ATAD2B: variants seen among roughly 807,000 people sequenced by gnomAD.
ATAD2B encodes ATPase family AAA domain containing 2B, also known as ATPase family AAA domain-containing protein 2B.
ATAD2B carries 40 observed loss-of-function variants against 167.6 expected under a neutral mutation model. The observed-to-expected ratio is 0.24, with a 90% CI of 0.19 to 0.31. ATAD2B has a LOEUF of 0.31. Ranked by LOEUF, ATAD2B falls within the 10% of genes least tolerant of loss-of-function variation. ATAD2B has a pLI of 1.00. For missense variants in ATAD2B, 1,242 were observed against 1,757.2 expected, an observed-to-expected ratio of 0.71 and a Z score of 5.24; for synonymous variants, 579 against 596.5, an observed-to-expected ratio of 0.97 and a Z score of 0.43.
intron 17 of ATAD2B, among the ~76,000 whole-genome samples, chr2:23,816,683 C>CT (rs992906986): frequency 1.3e-5 from 2 of 152,062 alleles, no homozygotes; most frequent in African/African-American, 4.8e-5. Flanking sequence ...TTATGCTCTT[C>CT]TTTATTACTT....
At chr2:23,799,578 A>G (rs1461667561) in intron 18 of ATAD2B, among the ~76,000 whole-genome samples, 3 of 150,070 alleles carry the variant, frequency 2.0e-5, no homozygotes, top group African/African-American at 7.4e-5. Flanking sequence ...CTCAAAAAAA[A>G]AAAAAAAAAA....
intron 17 of ATAD2B, among the ~76,000 whole-genome samples, chr2:23,812,205 A>C (rs1685704628): frequency 6.6e-6 from 1 of 152,020 alleles, no homozygotes; most frequent in Admixed American, 6.6e-5. Context: ...AACTGTCAGA[A>C]TCTACCAGCA....
chr2:23,703,516 C>G, the ATAD2B span: 5 of 1,068,266 alleles, frequency 4.7e-6, no homozygotes, highest in Admixed American at 5.9e-5. Flanking sequence ...GCAGGAGTTG[C>G]CGAGCCCCCA....
chr2:23,780,065 C>T (rs2551335), intron 22 of ATAD2B, among the ~76,000 whole-genome samples: 9,875 of 151,854 alleles, frequency 0.065, 411 homozygotes, highest in African/African-American at 0.12. Context: ...GGCAACATGG[C>T]GAGACCTCTT....
intron 13 of ATAD2B, among the ~76,000 whole-genome samples, chr2:23,851,380 A>T (rs1215409276): frequency 2.0e-5 from 3 of 152,136 alleles, no homozygotes; most frequent in Non-Finnish European, 4.4e-5. Flanking sequence ...AGCTCAAGAG[A>T]TCCACTGTCC....
intron 13 of ATAD2B, among the ~76,000 whole-genome samples, chr2:23,847,144 G>A (rs948813479): frequency 1.5e-5 from 2 of 132,660 alleles, no homozygotes; most frequent in African/African-American, 2.9e-5. Context: ...GGTGAGGCGG[G>A]CATATCACTT....
chr2:23,805,659 T>G (rs911613516), intron 18 of ATAD2B, among the ~76,000 whole-genome samples: 1 of 152,198 alleles, frequency 6.6e-6, no homozygotes, highest in Non-Finnish European at 1.5e-5. Context: ...AATGTTATTT[T>G]CTTTTCTCAC....
intron 1 of ATAD2B, among the ~76,000 whole-genome samples, chr2:23,909,443 T>C (rs936086884): frequency 4.0e-5 from 6 of 151,036 alleles, no homozygotes; most frequent in African/African-American, 7.3e-5. Context: ...TACATACATA[T>C]ATATATATAC....
chr2:23,742,552 T>G, the ATAD2B span, among the ~76,000 whole-genome samples: 1 of 91,070 alleles, frequency 1.1e-5, no homozygotes, highest in South Asian at 4.7e-4. Context: ...CAGGGACAGT[T>G]GTGGGGTGGG....
chr2:23,717,330 C>T, the ATAD2B span, among the ~76,000 whole-genome samples: 6 of 152,024 alleles, frequency 3.9e-5, no homozygotes, highest in South Asian at 4.2e-4. Context: ...CCCCAGCTCT[C>T]GGGGTAGTGC....
At position 23,819,773 on chromosome 2, in the gene ATAD2B, T is replaced by C. The variant is rs767552754; in HGVS notation, c.2241A>G (p.Ile747Met). 6.2e-6 allele frequency: 10 copies of C among 1,610,210 alleles called. No homozygotes were observed. Among genetic ancestry groups the C allele is most frequent in the South Asian group, 1.1e-5 (1 of 90,564 alleles). ...SPKKQSSSAA[I>M]HKPYLHFTMS... ...TTGTAAAATGAAGGTAGGGTTTATG[T>C]ATAGCAGCAGATGATGACTGTTTCT... The change falls in exon 17 of 28, where the codon ATA (isoleucine) becomes ATG (methionine). Residue 747 changes from isoleucine to methionine, a missense_variant. Coordinates refer to ENST00000238789, the MANE Select transcript of ATAD2B (RefSeq NM_017552.4).
At chr2:23,685,927 G>C in the ATAD2B span, among the ~76,000 whole-genome samples, 6 of 152,346 alleles carry the variant, frequency 3.9e-5, no homozygotes, top group East Asian at 1.2e-3. Flanking sequence ...AAGGGGGCAG[G>C]TCAGTGCTGA....
chr2:23,858,706 C>T (rs1337063309), intron 12 of ATAD2B, among the ~76,000 whole-genome samples: 1 of 151,974 alleles, frequency 6.6e-6, no homozygotes, highest in Non-Finnish European at 1.5e-5. Flanking sequence ...TGGTCTCAAA[C>T]TCTTGGGCTC....
In ATAD2B at chr2:23,910,014, G is replaced by A. The variant is rs137981713; in HGVS notation, c.217-14044C>T. Among the ~76,000 whole-genome samples the A allele has an allele frequency of 1.6e-3, 248 of 151,014 alleles. 2 individuals carry two copies. Among genetic ancestry groups the A allele is most frequent in the South Asian group, 4.8e-3 (23 of 4,788 alleles). ...AGTAGCTGAGACTACAGGCACACAC[G>A]ACCATACCAGGCTAATTTTTTGTTT... On this transcript the variant is annotated intron_variant, in intron 1 of 27. Coordinates refer to ENST00000238789, the MANE Select transcript of ATAD2B (RefSeq NM_017552.4).
At chr2:23,810,879 C>T (rs1327485372) in intron 17 of ATAD2B, among the ~76,000 whole-genome samples, 3 of 151,762 alleles carry the variant, frequency 2.0e-5, no homozygotes, top group Non-Finnish European at 2.9e-5. Context: ...GCTGTGGTGG[C>T]GGGCATCTGT....
intron 10 of ATAD2B, among the ~76,000 whole-genome samples, chr2:23,866,372 T>C (rs1056537451): frequency 6.6e-6 from 1 of 152,032 alleles, no homozygotes; most frequent in Non-Finnish European, 1.5e-5. Flanking sequence ...GCCATTGTAC[T>C]CCAGCCTGGG....
the ATAD2B span, among the ~76,000 whole-genome samples, chr2:23,714,566 A>G: frequency 6.6e-6 from 1 of 150,818 alleles, no homozygotes; most frequent in East Asian, 2.0e-4. Flanking sequence ...AGAAAAATCA[A>G]TATAGGGGCC....
intron 1 of ATAD2B, among the ~76,000 whole-genome samples, chr2:23,896,513 G>A (rs1177210337): frequency 6.6e-6 from 1 of 151,938 alleles, no homozygotes; most frequent in African/African-American, 2.4e-5. Context: ...TCAAGAAAGG[G>A]CGTGTGTTCT....
At chr2:23,797,723 T>G (rs1682840629) in intron 19 of ATAD2B, among the ~76,000 whole-genome samples, 1 of 152,154 alleles carries the variant, frequency 6.6e-6, no homozygotes, top group African/African-American at 2.4e-5. Flanking sequence ...ACACATAACC[T>G]GAAGGTAATT....
Sources: gnomAD v4.1 joint callset for allele counts (sites outside exome capture counted in the v4.1 genomes callset) on GRCh38, gnomAD v4.1.1 for gene constraint, MANE v1.5 for transcripts, NCBI Gene and HGNC (gene_info 2026-07-23, HGNC 2026-07-21) for gene names.